PPP5C: variants seen among roughly 807,000 people sequenced by gnomAD.
The protein encoded by PPP5C is protein phosphatase 5 catalytic subunit.
Under a neutral mutation model 66.7 loss-of-function variants are expected in PPP5C, and 21 were observed. The observed-to-expected ratio is 0.31, with a 90% confidence interval of 0.22 to 0.45. PPP5C has a LOEUF of 0.45. PPP5C is among the 20% of genes least tolerant of loss of function. The pLI is 1.00. For synonymous variants in PPP5C, 246 were observed against 257.4 expected (o/e 0.96, Z 0.43); for missense variants, 464 against 675.9 (o/e 0.69, Z 3.48).
At position 46,383,244 on chromosome 19, in the gene PPP5C, G is replaced by C. The variant is rs567467499; in HGVS notation, c.634-167G>C. 9.9e-4 allele frequency: 1,527 copies of C among 1,541,614 alleles called. 25 individuals carry two copies. The South Asian group carries it at 0.017, about 17-fold the overall frequency. ...GCCACAGAAGCCTGCGGCTGCCTCC[G>C]GCCCCGCCTGCTCCCGCTCCCCCAG... On this transcript the variant is annotated intron_variant, in intron 4 of 12. Transcript: ENST00000012443. The surrounding 1 kb of genome is among the most constrained non-coding windows in gnomAD (Gnocchi z 5.0).
At chr19:46,389,989 T>C in intron 11 of PPP5C, 62 bp from the exon 12 acceptor site, 1 of 1,511,414 alleles carries the variant, frequency 6.6e-7, no homozygotes, top group South Asian at 1.1e-5. Context: ...CCATTCCTTC[T>C]CTTAACCCAC....
intron 4 of PPP5C, among the ~76,000 whole-genome samples, chr19:46,379,260 G>A (rs1028887886): frequency 6.6e-6 from 1 of 152,110 alleles, no homozygotes; most frequent in Non-Finnish European, 1.5e-5. Context: ...TACCATGTTG[G>A]CCAGGATGGC....
At chr19:46,371,020 G>C (rs577107317) in intron 2 of PPP5C, among the ~76,000 whole-genome samples, 1 of 152,178 alleles carries the variant, frequency 6.6e-6, no homozygotes, top group African/African-American at 2.4e-5. Context: ...GATTACAGGC[G>C]TGAGCCACCA....
rs748314937 is a variant in PPP5C, at chr19:46,376,586, G to T, written c.633+12G>T. ...AATGTGCCTACCAGGTAATGCATCT[G>T]TCAGGTACTGGGCACCCGGGAACCC... On this transcript the variant is annotated intron_variant, in intron 4 of 12. Coordinates refer to ENST00000012443, the MANE Select transcript of PPP5C (RefSeq NM_006247.4). This position sits in a 1 kb window ranked among gnomAD's most constrained non-coding sequence, Gnocchi z 5.1. 8.1e-6 allele frequency: 13 copies of T among 1,612,302 alleles called. No individual in the cohort carries two copies. The highest frequency in any genetic ancestry group is 1.1e-5 in the Non-Finnish European group (13 of 1,178,952).
intron 4 of PPP5C, among the ~76,000 whole-genome samples, chr19:46,377,796 T>G (rs57551448): frequency 1.6e-3 from 250 of 152,370 alleles, no homozygotes; most frequent in African/African-American, 5.8e-3. Flanking sequence ...ACAATGTGTG[T>G]GGGATTCATA....
chr19:46,379,635 T>C (rs1972756383), intron 4 of PPP5C, among the ~76,000 whole-genome samples: 1 of 152,262 alleles, frequency 6.6e-6, no homozygotes, highest in Admixed American at 6.5e-5. Context: ...TTTGACTTTC[T>C]TTTGTGTGAA....
intron 2 of PPP5C, among the ~76,000 whole-genome samples, chr19:46,360,952 A>G (rs1972373753): frequency 6.6e-6 from 1 of 152,188 alleles, no homozygotes; most frequent in Non-Finnish European, 1.5e-5. Context: ...TCTTTGGTAG[A>G]GAGGAGACTC....
chr19:46,350,598 G>A (rs923307709), intron 1 of PPP5C, among the ~76,000 whole-genome samples: 2 of 152,224 alleles, frequency 1.3e-5, no homozygotes, highest in African/African-American at 2.4e-5. Context: ...CCAGGCTCCA[G>A]GGCTGTGGGA....
At chr19:46,364,933 G>C (rs1412617630) in intron 2 of PPP5C, among the ~76,000 whole-genome samples, 2 of 151,870 alleles carry the variant, frequency 1.3e-5, no homozygotes, top group African/African-American at 4.8e-5. Context: ...GGGGCGGGGG[G>C]GCTGTCCTTT....
chr19:46,357,209 G>A (rs773969855), intron 2 of PPP5C, among the ~76,000 whole-genome samples: 3 of 152,200 alleles, frequency 2.0e-5, no homozygotes, highest in South Asian at 2.1e-4. Context: ...CATCAAGCCC[G>A]GGTAATTTGT....
At chr19:46,387,686 C>A in intron 9 of PPP5C, 1 of 1,453,046 alleles carries the variant, frequency 6.9e-7, no homozygotes, top group Non-Finnish European at 9.1e-7. Context: ...GACCGCCGAG[C>A]ACACCTGTCC....
At chr19:46,390,217 T>G (rs1436177141) in intron 12 of PPP5C, 67 bp from the exon 13 acceptor site, 5 of 1,606,270 alleles carry the variant, frequency 3.1e-6, no homozygotes, top group Non-Finnish European at 4.3e-6. Context: ...CAGGGGTAGG[T>G]TCTGCCGGTG....
intron 7 of PPP5C, among the ~76,000 whole-genome samples, chr19:46,385,428 C>T (rs1972865433): frequency 6.6e-6 from 1 of 152,138 alleles, no homozygotes; most frequent in African/African-American, 2.4e-5. Flanking sequence ...AGGATCACTT[C>T]AGCCCAGGAG....
intron 2 of PPP5C, among the ~76,000 whole-genome samples, chr19:46,356,463 T>C (rs1972289047): frequency 2.0e-5 from 3 of 152,220 alleles, no homozygotes; most frequent in Admixed American, 1.3e-4. Context: ...GACCTTGGCC[T>C]TGGGCGGGGG....
At chr19:46,389,567 A>C (rs1972973347) in intron 11 of PPP5C, among the ~76,000 whole-genome samples, 1 of 151,806 alleles carries the variant, frequency 6.6e-6, no homozygotes, top group Non-Finnish European at 1.5e-5. Context: ...CTAAACAAGG[A>C]CCACATTTTC....
chr19:46,371,283 CAGTT>C (rs1313235905), intron 2 of PPP5C, among the ~76,000 whole-genome samples: 1 of 152,180 alleles, frequency 6.6e-6, no homozygotes, highest in African/African-American at 2.4e-5. Flanking sequence ...CCAGCACAGT[CAGTT>C]AGAAATGCGT....
At chr19:46,368,609 A>G (rs930817589) in intron 2 of PPP5C, among the ~76,000 whole-genome samples, 1 of 152,304 alleles carries the variant, frequency 6.6e-6, no homozygotes, top group African/African-American at 2.4e-5. Context: ...GATGAACTGT[A>G]TAACAGGGAT....
Position 46,382,770 on chromosome 19 carries a change from T to C in PPP5C, c.634-641T>C, listed in dbSNP as rs892300030. The C allele has an allele frequency of 2.4e-5, 24 of 986,286 alleles. No homozygotes were observed. In the Admixed American group the frequency reaches 8.6e-4, roughly 35 times the overall value. The allele number at this position is 986,286 out of a possible 1,614,324, so 61.1% of individuals were successfully genotyped here. On this transcript the variant is annotated intron_variant, in intron 4 of 12. Transcript: ENST00000012443. ...ATTGTCCTACCTTAGAAATTCATCA[T>C]TGATGTGATAATACTGACTAAGGTA...
At chr19:46,371,373 C>T (rs764284634) in intron 2 of PPP5C, among the ~76,000 whole-genome samples, 1 of 152,186 alleles carries the variant, frequency 6.6e-6, no homozygotes, top group African/African-American at 2.4e-5. Context: ...TAGTCACAAC[C>T]ACTATTTCAT....
Sources: allele counts gnomAD v4.1 joint callset (sites outside exome capture counted in the v4.1 genomes callset), GRCh38; gene constraint gnomAD v4.1.1; non-coding constraint Gnocchi (gnomAD v3.1); transcripts MANE v1.5; gene names NCBI Gene and HGNC (gene_info 2026-07-23, HGNC 2026-07-21).